CNTN1: variants seen among roughly 807,000 people sequenced by gnomAD.
CNTN1 encodes the protein contactin 1, also known as contactin-1.
CNTN1 carries 38 observed loss-of-function variants against 126.4 expected under a neutral mutation model. The ratio of observed to expected loss-of-function variants is 0.30; its 90% CI spans 0.23 to 0.39. The LOEUF (loss-of-function observed/expected upper bound fraction) is 0.39. CNTN1 is among the 10% of genes least tolerant of loss of function. CNTN1 has a pLI of 1.00. For synonymous variants in CNTN1, 413 were observed against 422.6 expected (o/e 0.98, Z 0.28); for missense variants, 1,009 against 1,248.4 (o/e 0.81, Z 2.89).
intron 1 of CNTN1, among the ~76,000 whole-genome samples, chr12:40,906,976 C>T (rs574951892): frequency 9.2e-5 from 14 of 152,200 alleles, no homozygotes; most frequent in East Asian, 3.9e-4. Flanking sequence ...CTGTGCCCAG[C>T]CCATGCTCTA....
At chr12:40,809,243 A>G (rs1940964430) in intron 1 of CNTN1, among the ~76,000 whole-genome samples, 1 of 152,190 alleles carries the variant, frequency 6.6e-6, no homozygotes, top group Non-Finnish European at 1.5e-5. Flanking sequence ...TCTGTGATAA[A>G]ATCTTTTCCA....
chr12:40,986,821 AAAT>A (rs1947966417), intron 16 of CNTN1, among the ~76,000 whole-genome samples: 1 of 152,130 alleles, frequency 6.6e-6, no homozygotes, highest in South Asian at 2.1e-4. Context: ...GGCCTATGAA[AAAT>A]AATTGTCAAA....
intron 1 of CNTN1, among the ~76,000 whole-genome samples, chr12:40,772,595 G>A (rs1055102155): frequency 6.6e-6 from 1 of 151,872 alleles, no homozygotes; most frequent in Non-Finnish European, 1.5e-5. Flanking sequence ...TGTAAGTTGA[G>A]TATTTAGGCT....
intron 7 of CNTN1, among the ~76,000 whole-genome samples, chr12:40,930,774 T>G (rs1318338418): frequency 6.6e-6 from 1 of 151,878 alleles, no homozygotes; most frequent in Non-Finnish European, 1.5e-5. Flanking sequence ...ATGGGAAAAA[T>G]GCTATAATAC....
chr12:40,775,595 T>A (rs1485204745), intron 1 of CNTN1, among the ~76,000 whole-genome samples: 1 of 151,532 alleles, frequency 6.6e-6, no homozygotes, highest in Non-Finnish European at 1.5e-5. Context: ...AAATCGTTTC[T>A]CCTAATCACA....
At chr12:40,815,635 C>G (rs1042004711) in intron 1 of CNTN1, among the ~76,000 whole-genome samples, 3 of 152,074 alleles carry the variant, frequency 2.0e-5, no homozygotes, top group East Asian at 3.9e-4. Flanking sequence ...TTTGGACACC[C>G]CTTATTTCTT....
In CNTN1 at chr12:41,007,082, C is replaced by T. The variant is rs564041185; in HGVS notation, c.2114-7146C>T. The stretch of plus-strand genomic sequence containing the variant: ...TTTTTTTTTTTTTTTTTTTTTGAGA[C>T]GGAGTCTCGCTCTGTCGCCCAGGCT... On this transcript the variant is annotated intron_variant, in intron 17 of 23. Coordinates refer to ENST00000551295, the MANE Select transcript of CNTN1 (RefSeq NM_001843.4). Among the ~76,000 whole-genome samples, 164 of 92,250 alleles carry T rather than the reference C, an allele frequency of 1.8e-3. 2 individuals carry two copies. In the East Asian group the frequency reaches 0.029, roughly 17 times the overall value. 60.5% of individuals were successfully genotyped at this position (92,250 alleles called of 152,430 possible).
At chr12:40,726,182 TGTG>T (rs1344353588) in intron 1 of CNTN1, among the ~76,000 whole-genome samples, 3 of 152,296 alleles carry the variant, frequency 2.0e-5, no homozygotes, top group Non-Finnish European at 4.4e-5. Flanking sequence ...TTATTGCTGA[TGTG>T]GTAAAAAGTA....
rs138237336 is a variant in CNTN1 at position 40,924,881 on chromosome 12, CATAT to C, written c.496+243_496+246del. Among the ~76,000 whole-genome samples, 38 of 112,124 alleles carry C rather than the reference CATAT, an allele frequency of 3.4e-4. 1 individual carries two copies. Among genetic ancestry groups the C allele is most frequent in the Non-Finnish European group, 5.0e-4 (26 of 52,520 alleles). The allele number at this position is 112,124 out of a possible 152,430, so 73.6% of individuals were successfully genotyped here. ...ATCTCTAATCATTTTAGTTTATAAA[CATAT>C]ATATATATATATAGTATTATGTCAT... On this transcript the variant is annotated intron_variant, in intron 6 of 23. Transcript: ENST00000551295.
intron 17 of CNTN1, among the ~76,000 whole-genome samples, chr12:41,004,734 C>A (rs553180237): frequency 6.6e-6 from 1 of 152,176 alleles, no homozygotes; most frequent in South Asian, 2.1e-4. Flanking sequence ...TCTGTTTTGT[C>A]AGAAACTAGG....
intron 3 of CNTN1, among the ~76,000 whole-genome samples, chr12:40,914,044 TA>T (rs11396311): frequency 2.6e-5 from 4 of 151,714 alleles, no homozygotes; most frequent in African/African-American, 4.8e-5. Flanking sequence ...ATCTATCTAG[TA>T]AAAAAAAGGA....
In CNTN1 at chr12:41,050,840, G is replaced by T. The variant is rs139981996; in HGVS notation, c.2981-19119G>T. 4.1e-4 allele frequency among the ~76,000 whole-genome samples: 62 copies of T among 152,064 alleles called. No homozygotes were observed. The East Asian group carries it at 0.01, about 26-fold the overall frequency. On this transcript the variant is annotated intron_variant, in intron 23 of 23. Coordinates refer to ENST00000551295, the MANE Select transcript of CNTN1 (RefSeq NM_001843.4). Reference sequence around the variant, plus strand: ...AACTTTCTTCATTATTGCCTCCCTAGGAAGCCTCGTTACATATTATTTTTC... The same window carrying T: ...AACTTTCTTCATTATTGCCTCCCTATGAAGCCTCGTTACATATTATTTTTC...
chr12:40,722,920 G>A (rs759211411), intron 1 of CNTN1, among the ~76,000 whole-genome samples: 1 of 152,014 alleles, frequency 6.6e-6, no homozygotes, highest in Non-Finnish European at 1.5e-5. Flanking sequence ...TAAAGGAAAG[G>A]TGTTTTGAAG....
chr12:41,059,734 C>T (rs1949899231), intron 23 of CNTN1, among the ~76,000 whole-genome samples: 1 of 151,928 alleles, frequency 6.6e-6, no homozygotes, highest in Non-Finnish European at 1.5e-5. Context: ...TTAAAAAATC[C>T]ATTGAACAGG....
chr12:41,070,769 C>A lies in CNTN1; in HGVS notation c.*734C>A, dbSNP rs1232488417. 1 of 151,834 alleles carries A rather than the reference C, an allele frequency of 6.6e-6. No homozygotes were observed. Among genetic ancestry groups the A allele is most frequent in the East Asian group, 1.9e-4 (1 of 5,198 alleles). 9.4% of individuals were successfully genotyped at this position (151,834 alleles called of 1,614,324 possible). A position where few individuals can be genotyped will look rare whatever the true frequency, so the allele number is the denominator to read the frequency against. ...TTTTTTTTTACTTTTATATTCTACT[C>A]TGAAGTTATTTTATGCTTTTCTTAT... On this transcript the variant is annotated 3_prime_UTR_variant, in exon 24 of 24. Coordinates refer to ENST00000551295, the MANE Select transcript of CNTN1 (RefSeq NM_001843.4).
chr12:40,790,813 C>A (rs1162039132), intron 1 of CNTN1, among the ~76,000 whole-genome samples: 3 of 152,234 alleles, frequency 2.0e-5, no homozygotes, highest in East Asian at 1.9e-4. Flanking sequence ...TTTAAAAATT[C>A]TTTCCATGTT....
At chr12:40,775,966 A>G (rs567574527) in intron 1 of CNTN1, among the ~76,000 whole-genome samples, 3 of 151,824 alleles carry the variant, frequency 2.0e-5, no homozygotes, top group Admixed American at 2.0e-4. Flanking sequence ...GATTTTTAAT[A>G]GTATAAAACA....
chr12:41,049,207 A>G (rs1949618007), intron 23 of CNTN1, among the ~76,000 whole-genome samples: 1 of 152,164 alleles, frequency 6.6e-6, no homozygotes, highest in Non-Finnish European at 1.5e-5. Context: ...TCAGTACGTC[A>G]GTAATTCTTT....
intron 1 of CNTN1, among the ~76,000 whole-genome samples, chr12:40,734,870 T>C (rs1320537339): frequency 6.6e-6 from 1 of 152,006 alleles, no homozygotes. Context: ...TTTGGAGGTG[T>C]TTTCTCACAA....
Sources: gnomAD v4.1 joint callset for allele counts (sites outside exome capture counted in the v4.1 genomes callset) on GRCh38, gnomAD v4.1.1 for gene constraint, MANE v1.5 for transcripts, NCBI Gene and HGNC (gene_info 2026-07-23, HGNC 2026-07-21) for gene names.